Variants in ETV1 observed in about 807,000 individuals in gnomAD.
ETV1 encodes the protein ETS translocation variant 1.
A neutral mutation model predicts 62.3 loss-of-function variants in ETV1; 27 were observed. That is an observed-to-expected ratio of 0.43 (90% confidence interval 0.32 to 0.60). The LOEUF (loss-of-function observed/expected upper bound fraction) is 0.60, where lower values mean the gene tolerates loss of function less well. ETV1 is among the 20% of genes least tolerant of loss of function. The pLI is 0.06. For synonymous variants in ETV1, 222 were observed against 199.6 expected (o/e 1.11, Z -0.94); for missense variants, 605 against 605.8 (o/e 1.00, Z 0.01).
At chr7:13,924,084 AG>A (rs1785149222) in intron 9 of ETV1, among the ~76,000 whole-genome samples, 1 of 152,078 alleles carries the variant, frequency 6.6e-6, no homozygotes, top group Non-Finnish European at 1.5e-5. Context: ...GAATGGAAAA[AG>A]CACCCTATTC....
intron 6 of ETV1, among the ~76,000 whole-genome samples, chr7:13,941,960 G>A (rs1395771247): frequency 2.0e-5 from 3 of 151,262 alleles, no homozygotes; most frequent in Non-Finnish European, 2.9e-5. Flanking sequence ...GTGTGTAGGC[G>A]AGATCTTAGA....
intron 4 of ETV1, 54 bp from the exon 5 acceptor site, chr7:13,986,739 T>C (rs921049566): frequency 1.1e-4 from 133 of 1,217,498 alleles, no homozygotes; most frequent in Non-Finnish European, 1.5e-4. Context: ...TTAATCTTCA[T>C]TAAATGGAAA....
chr7:13,951,324 G>A (rs771127612), intron 6 of ETV1, among the ~76,000 whole-genome samples: 22 of 152,140 alleles, frequency 1.4e-4, no homozygotes, highest in Non-Finnish European at 2.8e-4. Flanking sequence ...AAAGCTAGCA[G>A]GCACTTAAAT....
chr7:13,937,490 G>T (rs549042158), intron 7 of ETV1, among the ~76,000 whole-genome samples: 26 of 152,118 alleles, frequency 1.7e-4, no homozygotes, highest in Non-Finnish European at 3.2e-4. Flanking sequence ...TCCCCCAAAA[G>T]AAACACAAAA....
chr7:13,933,785 G>A (rs911152728), intron 8 of ETV1, among the ~76,000 whole-genome samples: 1 of 152,222 alleles, frequency 6.6e-6, no homozygotes, highest in African/African-American at 2.4e-5. Flanking sequence ...TCAGGGGTCA[G>A]TGGGAAAAGA....
chr7:13,904,455 T>TA (rs1782750400), intron 12 of ETV1, among the ~76,000 whole-genome samples: 2 of 152,194 alleles, frequency 1.3e-5, no homozygotes, highest in Admixed American at 1.3e-4. Context: ...AATGGTCATC[T>TA]AGTCAAATCT....
intron 6 of ETV1, among the ~76,000 whole-genome samples, chr7:13,955,171 A>G (rs1789273091): frequency 1.3e-5 from 2 of 152,184 alleles, no homozygotes; most frequent in African/African-American, 4.8e-5. Context: ...TAAATTTGAA[A>G]ATGTTCTTTA....
chr7:13,941,352 A>G, intron 6 of ETV1, among the ~76,000 whole-genome samples: 1 of 152,218 alleles, frequency 6.6e-6, no homozygotes, highest in East Asian at 1.9e-4. Flanking sequence ...AGGTTCATAA[A>G]ATATTTACAG....
intron 9 of ETV1, among the ~76,000 whole-genome samples, chr7:13,912,513 AAATT>A (rs1346307868): frequency 6.6e-6 from 1 of 152,210 alleles, no homozygotes; most frequent in Non-Finnish European, 1.5e-5. Context: ...AATTCATAAT[AAATT>A]AATAACATAT....
chr7:13,988,910 A>G (rs1334677872), intron 3 of ETV1, 98 bp downstream of exon 3: 7 of 1,506,624 alleles, frequency 4.6e-6, no homozygotes, highest in African/African-American at 4.1e-5. Flanking sequence ...AGTATCTGCA[A>G]TCCCAACCCC....
chr7:13,921,800 G>GA (rs1157196618), intron 9 of ETV1, among the ~76,000 whole-genome samples: 2 of 152,066 alleles, frequency 1.3e-5, no homozygotes, highest in Non-Finnish European at 2.9e-5. Flanking sequence ...CCACCATTCA[G>GA]AAAAAATATG....
chr7:13,966,670 C>CA (rs948202109), intron 6 of ETV1, among the ~76,000 whole-genome samples: 62 of 151,988 alleles, frequency 4.1e-4, no homozygotes, highest in African/African-American at 1.4e-3. Flanking sequence ...AACAAACAAA[C>CA]AAAAAAACCT....
intron 6 of ETV1, among the ~76,000 whole-genome samples, chr7:13,970,301 C>G (rs1454539163): frequency 6.3e-5 from 9 of 143,408 alleles, no homozygotes; most frequent in African/African-American, 2.3e-4. Flanking sequence ...CACACACACA[C>G]ACACACACAC....
At chr7:13,962,789 T>C (rs973977658) in intron 6 of ETV1, among the ~76,000 whole-genome samples, 1 of 152,168 alleles carries the variant, frequency 6.6e-6, no homozygotes, top group African/African-American at 2.4e-5. Flanking sequence ...TATTAGTTTG[T>C]GCATTATGTT....
chr7:13,983,024 T>A (rs985844805), intron 5 of ETV1, among the ~76,000 whole-genome samples: 1 of 152,028 alleles, frequency 6.6e-6, no homozygotes, highest in African/African-American at 2.4e-5. Flanking sequence ...GAAGGTCACA[T>A]AAAACCAAAA....
At chr7:13,941,695 A>C (rs2128462136) in intron 6 of ETV1, among the ~76,000 whole-genome samples, 1 of 151,968 alleles carries the variant, frequency 6.6e-6, no homozygotes, top group East Asian at 1.9e-4. Flanking sequence ...ACATGGTGAA[A>C]CCCCATCTCC....
intron 8 of ETV1, among the ~76,000 whole-genome samples, chr7:13,935,070 C>T (rs1326233437): frequency 6.6e-6 from 1 of 152,174 alleles, no homozygotes; most frequent in Non-Finnish European, 1.5e-5. Flanking sequence ...TTCTTAATCT[C>T]AAGGAGTCAT....
chr7:13,963,217 G>C (rs1790392010), intron 6 of ETV1, among the ~76,000 whole-genome samples: 1 of 151,930 alleles, frequency 6.6e-6, no homozygotes, highest in Non-Finnish European at 1.5e-5. Context: ...TGCTAGTATT[G>C]TATTCATCTT....
At chr7:13,963,610 C>A (rs1339686222) in intron 6 of ETV1, among the ~76,000 whole-genome samples, 2 of 150,666 alleles carry the variant, frequency 1.3e-5, no homozygotes, top group Non-Finnish European at 3.0e-5. Context: ...TTCTCATTTT[C>A]TTAGAATTTA....
Sources: gnomAD v4.1 joint callset for allele counts (sites outside exome capture counted in the v4.1 genomes callset) on GRCh38, gnomAD v4.1.1 for gene constraint, MANE v1.5 for transcripts, NCBI Gene and HGNC (gene_info 2026-07-23, HGNC 2026-07-21) for gene names.